Variants in ZNF367 observed in about 807,000 individuals in gnomAD.
The protein encoded by ZNF367 is C2H2 zinc finger protein ZFF29.
Under a neutral mutation model 31.8 loss-of-function variants are expected in ZNF367, and 11 were observed. The observed-to-expected ratio is 0.35, with a 90% CI of 0.22 to 0.57. The LOEUF (loss-of-function observed/expected upper bound fraction) is 0.57. ZNF367 is among the 20% of genes least tolerant of loss of function. The pLI is 0.85. For synonymous variants in ZNF367, 199 were observed against 202.4 expected (o/e 0.98, Z 0.14); for missense variants, 353 against 484.1 (o/e 0.73, Z 2.54).
At chr9:96,416,969 C>T (rs1831839521) in intron 1 of ZNF367, among the ~76,000 whole-genome samples, 1 of 152,226 alleles carries the variant, frequency 6.6e-6, no homozygotes, top group African/African-American at 2.4e-5. Context: ...TAAGCCCCAG[C>T]TGCCTGATCT....
chr9:96,393,699 C>T (rs937808102), intron 3 of ZNF367, among the ~76,000 whole-genome samples: 2 of 151,712 alleles, frequency 1.3e-5, no homozygotes, highest in Non-Finnish European at 1.5e-5. Flanking sequence ...GGTATGGTCG[C>T]GTATGCCTGT....
At position 96,388,427 on chromosome 9, in the gene ZNF367, G is replaced by A. The variant is rs1227844071; in HGVS notation, c.863C>T (p.Thr288Ile). Residue 288 changes from threonine (T) to isoleucine (I), a missense_variant, in exon 5 of 5, where the codon ACT (threonine) becomes ATT (isoleucine). This residue lies in a region of ZNF367 where 101 missense variants were observed against 140.0 expected (regional missense o/e 0.72). Coordinates refer to ENST00000375256, the MANE Select transcript of ZNF367 (RefSeq NM_153695.4). ...CTTCTGAACCAGCTTGCCTTTCAAAGTGGGGGTGCGCTGCTCTCTCATTTC... is the reference window on the plus strand; with the variant it reads ...CTTCTGAACCAGCTTGCCTTTCAAAATGGGGGTGCGCTGCTCTCTCATTTC... Reference protein sequence around the residue: ...YWEMREQRTPTLKGKLVQKAD... With the variant: ...YWEMREQRTPILKGKLVQKAD... The A allele has an allele frequency of 6.2e-7, 1 of 1,613,974 alleles. No homozygotes were observed. The highest frequency in any genetic ancestry group is 1.1e-5 in the South Asian group (1 of 91,086).
At chr9:96,404,090 G>A (rs1201590595) in intron 1 of ZNF367, among the ~76,000 whole-genome samples, 4 of 152,154 alleles carry the variant, frequency 2.6e-5, no homozygotes, top group Admixed American at 6.6e-5. Context: ...AGCTACTCAG[G>A]AGGCAGAGGT....
chr9:96,389,731 TTTTTA>T (rs1331711287), intron 4 of ZNF367, among the ~76,000 whole-genome samples: 2 of 149,344 alleles, frequency 1.3e-5, no homozygotes, highest in Non-Finnish European at 2.9e-5. Flanking sequence ...TTTTTATTTA[TTTTTA>T]TTTTATTTTT....
chr9:96,408,229 A>C (rs1351977142), intron 1 of ZNF367, among the ~76,000 whole-genome samples: 1 of 152,058 alleles, frequency 6.6e-6, no homozygotes, highest in Non-Finnish European at 1.5e-5. Flanking sequence ...TAAATAATAA[A>C]TATTTTTTAA....
Position 96,418,060 on chromosome 9 carries a change from G to A in ZNF367, c.-28C>T, listed in dbSNP as rs1379071627. 9 of 1,351,382 alleles carry A rather than the reference G, an allele frequency of 6.7e-6. No homozygotes were observed. Among genetic ancestry groups the A allele is most frequent in the Non-Finnish European group, 8.5e-6 (9 of 1,057,360 alleles). 83.7% of individuals were successfully genotyped at this position (1,351,382 alleles called of 1,614,324 possible). A position where few individuals can be genotyped will look rare whatever the true frequency, so the allele number is the denominator to read the frequency against. On this transcript the variant is annotated 5_prime_UTR_variant, in exon 1 of 5. Transcript: ENST00000375256. ...CCCGGCCCGACCCCCAGCTCCGGCGGCCCCGGGCCGCACTCCTGAGCACCG... is the reference window on the plus strand; with the variant it reads ...CCCGGCCCGACCCCCAGCTCCGGCGACCCCGGGCCGCACTCCTGAGCACCG...
At chr9:96,392,286 T>C (rs771780310) in intron 4 of ZNF367, 112 bp downstream of exon 4, 4 of 1,502,140 alleles carry the variant, frequency 2.7e-6, no homozygotes, top group South Asian at 1.1e-5. Context: ...AATTATGTTA[T>C]AAAATGTGTA....
chr9:96,390,231 CA>C lies in ZNF367; in HGVS notation c.831-1773del, dbSNP rs879918339. On this transcript the variant is annotated intron_variant, in intron 4 of 4. Transcript: ENST00000375256. ...CAAAGCTGTTTTTAAAATTACATAC[CA>C]AAAAAAAAAAGAAATACAACTACCA... Among the ~76,000 whole-genome samples the C allele has an allele frequency of 2.4e-3, 335 of 140,868 alleles. 2 individuals are homozygous for C. Among genetic ancestry groups the C allele is most frequent in the Non-Finnish European group, 2.6e-3 (165 of 64,214 alleles). The allele number at this position is 140,868 out of a possible 152,430, so 92.4% of individuals were successfully genotyped here. A position where few individuals can be genotyped will look rare whatever the true frequency, so the allele number is the denominator to read the frequency against.
At position 96,386,842 on chromosome 9, in the gene ZNF367, G is replaced by A. The variant is rs1197158714; in HGVS notation, c.*1395C>T. The A allele has an allele frequency of 2.0e-5, 3 of 152,068 alleles. No individual in the cohort carries two copies. Among genetic ancestry groups the A allele is most frequent in the Admixed American group, 6.6e-5 (1 of 15,256 alleles). 9.4% of individuals were successfully genotyped at this position (152,068 alleles called of 1,614,324 possible). On this transcript the variant is annotated 3_prime_UTR_variant, in exon 5 of 5. Coordinates refer to ENST00000375256, the MANE Select transcript of ZNF367 (RefSeq NM_153695.4). ...ATGTTTAAACTACATCTGTAGGAAC[G>A]TCTTCAACTCAAAAAAGCTAAAAAG...
In ZNF367 at chr9:96,418,045, C is replaced by T. The variant is rs1231189329; in HGVS notation, c.-13G>A. 11 of 1,356,828 alleles carry T rather than the reference C, an allele frequency of 8.1e-6. No homozygotes were observed. Among genetic ancestry groups the T allele is most frequent in the African/African-American group, 7.7e-5 (5 of 65,086 alleles). The allele number at this position is 1,356,828 out of a possible 1,614,324, so 84.0% of individuals were successfully genotyped here. Reference sequence around the variant, plus strand: ...AGCCCCGGATCATCGCCCGGCCCGACCCCCAGCTCCGGCGGCCCCGGGCCG... The same window carrying T: ...AGCCCCGGATCATCGCCCGGCCCGATCCCCAGCTCCGGCGGCCCCGGGCCG... On this transcript the variant is annotated 5_prime_UTR_variant, in exon 1 of 5. Transcript: ENST00000375256.
intron 1 of ZNF367, among the ~76,000 whole-genome samples, chr9:96,415,412 C>T (rs551337145): frequency 6.7e-6 from 1 of 150,248 alleles, no homozygotes; most frequent in African/African-American, 2.4e-5. Flanking sequence ...TAGAGGCAGC[C>T]CAACAGCAAC....
chr9:96,406,200 GA>G (rs536583208), intron 1 of ZNF367, among the ~76,000 whole-genome samples: 3 of 151,982 alleles, frequency 2.0e-5, no homozygotes, highest in South Asian at 2.1e-4. Context: ...CAAGTTACAT[GA>G]AAAAAAATCA....
intron 1 of ZNF367, among the ~76,000 whole-genome samples, chr9:96,416,625 C>T (rs893983680): frequency 6.6e-6 from 1 of 152,134 alleles, no homozygotes; most frequent in African/African-American, 2.4e-5. Flanking sequence ...ATGTGATTTA[C>T]TTGTTATCTC....
chr9:96,388,252 C>T lies in ZNF367; in HGVS notation c.1038G>A (p.Ala346=), dbSNP rs770552354. 1.2e-5 allele frequency: 20 copies of T among 1,610,726 alleles called. No homozygotes were observed. Among genetic ancestry groups the T allele is most frequent in the Admixed American group, 1.7e-5 (1 of 59,786 alleles). ...ALIELANLTG[A]PLRQ ...AGTGTCCAAGCTACTGTCGGAGTGG[C>T]GCCCCAGTCAGGTTGGCAAGCTCTA... The change falls in exon 5 of 5, where the codon GCG becomes GCA. Residue 346 remains alanine (A), a synonymous_variant. Transcript: ENST00000375256.
intron 1 of ZNF367, among the ~76,000 whole-genome samples, chr9:96,403,552 C>A (rs1458584899): frequency 6.6e-6 from 1 of 151,700 alleles, no homozygotes; most frequent in Non-Finnish European, 1.5e-5. Flanking sequence ...CTCCAAATAG[C>A]CAAAATAATC....
intron 1 of ZNF367, among the ~76,000 whole-genome samples, chr9:96,410,836 C>G (rs1281123522): frequency 1.3e-5 from 2 of 151,988 alleles, no homozygotes; most frequent in Non-Finnish European, 2.9e-5. Context: ...CGAGATTGCA[C>G]CACTGCACTC....
At chr9:96,398,484 A>G (rs1210733439) in intron 1 of ZNF367, among the ~76,000 whole-genome samples, 170 bp from the exon 2 acceptor site, 1 of 152,162 alleles carries the variant, frequency 6.6e-6, no homozygotes, top group Non-Finnish European at 1.5e-5. Flanking sequence ...TGAGGCCAGG[A>G]GTTCGAAGCA....
At chr9:96,411,575 A>G (rs1831750072) in intron 1 of ZNF367, among the ~76,000 whole-genome samples, 1 of 152,086 alleles carries the variant, frequency 6.6e-6, no homozygotes, top group African/African-American at 2.4e-5. Flanking sequence ...AACATAAAAA[A>G]TAAGTAAACA....
At chr9:96,407,790 C>G in intron 1 of ZNF367, 1 of 1,290,234 alleles carries the variant, frequency 7.8e-7, no homozygotes, top group South Asian at 1.5e-5. Flanking sequence ...AAAGATTCAT[C>G]AGGCCAATGA....
Sources: gnomAD v4.1 joint callset for allele counts (sites outside exome capture counted in the v4.1 genomes callset) on GRCh38, gnomAD v4.1.1 for gene constraint, gnomAD v4.1.1 regional missense constraint, MANE v1.5 for transcripts, NCBI Gene and HGNC (gene_info 2026-07-23, HGNC 2026-07-21) for gene names.